Variants in PCSK9 observed in about 807,000 individuals in gnomAD.
PCSK9 encodes the protein proprotein convertase subtilisin/kexin type 9, also known as convertase subtilisin/kexin type 9 preproprotein.
A neutral mutation model predicts 62.1 loss-of-function variants in PCSK9; 57 were observed. The observed-to-expected ratio is 0.92, with a 90% CI of 0.74 to 1.14. The LOEUF is 1.14. PCSK9 is among the 50% of genes most tolerant of loss of function. The pLI is 0.00. For missense variants in PCSK9, 870 were observed against 959.8 expected (o/e 0.91, Z 1.24); for synonymous variants, 387 against 409.4 (o/e 0.95, Z 0.66).
intron 1 of PCSK9, among the ~76,000 whole-genome samples, chr1:55,042,000 G>A (rs1199131954): frequency 6.6e-6 from 1 of 152,050 alleles, no homozygotes; most frequent in Non-Finnish European, 1.5e-5. Context: ...AGGCTGGAGT[G>A]CAATGGTGCA....
intron 2 of PCSK9, among the ~76,000 whole-genome samples, chr1:55,044,739 C>T (rs986011491): frequency 1.3e-5 from 2 of 152,154 alleles, no homozygotes; most frequent in African/African-American, 4.8e-5. Context: ...GACAGTGAGG[C>T]CCCACGGTCT....
Position 55,063,740 on chromosome 1 carries a change from G to A in PCSK9, c.*156G>A. 1 of 898,588 alleles carries A rather than the reference G, an allele frequency of 1.1e-6. No homozygotes were observed. The highest frequency in any genetic ancestry group is 1.6e-6 in the Non-Finnish European group (1 of 608,394). The allele number at this position is 898,588 out of a possible 1,614,324, so 55.7% of individuals were successfully genotyped here. A position where few individuals can be genotyped will look rare whatever the true frequency, so the allele number is the denominator to read the frequency against. Reference sequence around the variant, plus strand: ...GGGGCTGCTGGCCTGGCCCTTGAGTGGGGCAGCCTCCTTGCCTGGAACTCA... The same window carrying A: ...GGGGCTGCTGGCCTGGCCCTTGAGTAGGGCAGCCTCCTTGCCTGGAACTCA... On this transcript the variant is annotated 3_prime_UTR_variant, in exon 12 of 12. Transcript: ENST00000302118.
In PCSK9 at chr1:55,058,659, C is replaced by G; in HGVS notation, c.1503+12C>G. On this transcript the variant is annotated intron_variant, in intron 9 of 11. Transcript: ENST00000302118. ...GCGAGCGCATGGAGGTGACTGTACC[C>G]CTCCTTCGTGTGTGTGTGTGTGTGT... 1 of 1,597,036 alleles carries G rather than the reference C, an allele frequency of 6.3e-7. No individual in the cohort carries two copies. The highest frequency in any genetic ancestry group is 8.5e-7 in the Non-Finnish European group (1 of 1,174,556).
chr1:55,042,406 A>G (rs1644603904), intron 1 of PCSK9, among the ~76,000 whole-genome samples: 2 of 152,310 alleles, frequency 1.3e-5, no homozygotes, highest in South Asian at 4.1e-4. Flanking sequence ...ATATTCATAT[A>G]TTTTGCTGCA....
intron 10 of PCSK9, among the ~76,000 whole-genome samples, chr1:55,060,772 G>A (rs935720602): frequency 6.6e-6 from 1 of 152,336 alleles, no homozygotes; most frequent in East Asian, 1.9e-4. Flanking sequence ...AGGACATAGA[G>A]AATGCTAGTA....
Position 55,056,046 on chromosome 1 carries a change from GTGC to G in PCSK9, c.860_862del (p.Leu287del). ...GGTCCAGCCTGTGGGGCCACTGGTG[GTGC>G]TGCTGCCCCTGGCGGGTGGGTACAG... On this transcript the variant is annotated inframe_deletion, in exon 6 of 12. Coordinates refer to ENST00000302118, the MANE Select transcript of PCSK9 (RefSeq NM_174936.4). 6.2e-7 allele frequency: 1 copy of G among 1,609,402 alleles called. No individual in the cohort carries two copies. The highest frequency in any genetic ancestry group is 8.5e-7 in the Non-Finnish European group (1 of 1,177,104).
At chr1:55,058,420 C>T (rs1644732719) in intron 8 of PCSK9, 79 bp from the exon 9 acceptor site, 1 of 1,598,534 alleles carries the variant, frequency 6.3e-7, no homozygotes, top group Middle Eastern at 2.3e-4. Flanking sequence ...GCCCTCCTCT[C>T]TCCTACCATG....
At chr1:55,042,192 C>T (rs988642004) in intron 1 of PCSK9, among the ~76,000 whole-genome samples, 7 of 151,574 alleles carry the variant, frequency 4.6e-5, no homozygotes, top group African/African-American at 1.7e-4. Context: ...TCAGTGGATC[C>T]GAGGAGGTGA....
chr1:55,044,484 C>T (rs1370610492), intron 2 of PCSK9, among the ~76,000 whole-genome samples: 1 of 152,062 alleles, frequency 6.6e-6, no homozygotes, highest in African/African-American at 2.4e-5. Context: ...GAGTGAAGTC[C>T]CTTCTTTAGG....
chr1:55,048,450 G>T (rs1270256736), intron 3 of PCSK9, among the ~76,000 whole-genome samples: 1 of 152,214 alleles, frequency 6.6e-6, no homozygotes, highest in Non-Finnish European at 1.5e-5. Flanking sequence ...AAGCAGACGT[G>T]GGGCCCTTTC....
At chr1:55,050,072 AG>A (rs1422142258) in intron 3 of PCSK9, among the ~76,000 whole-genome samples, 3 of 152,216 alleles carry the variant, frequency 2.0e-5, no homozygotes, top group Non-Finnish European at 2.9e-5. Flanking sequence ...ACGTCCAGGG[AG>A]GGAAGCAGCC....
intron 9 of PCSK9, 27 bp from the exon 10 acceptor site, chr1:55,059,459 A>G (rs1040994191): frequency 2.6e-6 from 4 of 1,553,648 alleles, no homozygotes; most frequent in Middle Eastern, 1.7e-4. Context: ...TCTAAAGCAG[A>G]TTCCCATTTC....
intron 3 of PCSK9, chr1:55,051,980 T>C: frequency 2.2e-6 from 1 of 455,530 alleles, no homozygotes; most frequent in South Asian, 2.2e-5. Flanking sequence ...ATTCATATTA[T>C]TGTTAGATAT....
Position 55,046,573 on chromosome 1 carries a change from T to C in PCSK9, c.450T>C (p.Phe150=), listed in dbSNP as rs1375422091. The change falls in exon 3 of 12, where the codon TTT becomes TTC. Residue 150 remains phenylalanine, a synonymous_variant. Coordinates refer to ENST00000302118, the MANE Select transcript of PCSK9 (RefSeq NM_174936.4). ...VDYIEEDSSV[F]AQSIPWNLER... ...ACATCGAGGAGGACTCCTCTGTCTT[T>C]GCCCAGAGCATCCCGTGGAACCTGG... 1 of 1,614,166 alleles carries C rather than the reference T, an allele frequency of 6.2e-7. No homozygotes were observed. Among genetic ancestry groups the C allele is most frequent in the Admixed American group, 1.7e-5 (1 of 60,028 alleles).
Position 55,061,466 on chromosome 1 carries a change from C to A in PCSK9, c.1773C>A (p.His591Gln), listed in dbSNP as rs529912877. Reference protein sequence around the residue: ...PRGQPNQCVGHREASIHASCC... With the variant: ...PRGQPNQCVGQREASIHASCC... ...GTCAGCCCAACCAGTGCGTGGGCCA[C>A]AGGGAGGCCAGCATCCACGCTTCCT... The change falls in exon 11 of 12, where the codon CAC becomes CAA. Residue 591 changes from histidine to glutamine, a missense_variant. His to Gln is a conservative substitution (Grantham distance 24, BLOSUM62 0). Transcript: ENST00000302118. 6.2e-7 allele frequency: 1 copy of A among 1,607,310 alleles called. No homozygotes were observed. Among genetic ancestry groups the A allele is most frequent in the African/African-American group, 1.3e-5 (1 of 75,036 alleles).
At position 55,046,278 on chromosome 1, in the gene PCSK9, C is replaced by T. The variant is rs548052201; in HGVS notation, c.400-245C>T. 2.6e-5 allele frequency among the ~76,000 whole-genome samples: 4 copies of T among 152,316 alleles called. No homozygotes were observed. In the East Asian group the frequency reaches 7.7e-4, roughly 29 times the overall value. ...CAAGATGTCAAGTTCAGAATCCTTC[C>T]TAAAAGGAATCCTCTATGCCAGACC... On this transcript the variant is annotated intron_variant, in intron 2 of 11. Coordinates refer to ENST00000302118, the MANE Select transcript of PCSK9 (RefSeq NM_174936.4).
At chr1:55,062,532 C>A (rs974924143) in intron 11 of PCSK9, among the ~76,000 whole-genome samples, 1 of 152,046 alleles carries the variant, frequency 6.6e-6, no homozygotes, top group Non-Finnish European at 1.5e-5. Context: ...TGAAAAGATG[C>A]GATGGAGAAA....
rs1320993715 is a variant in PCSK9 at position 55,059,665 on chromosome 1, T to C, written c.1681+2T>C. On this transcript the variant is annotated splice_donor_variant, in intron 10 of 11. Transcript: ENST00000302118. LOFTEE classifies it high-confidence loss of function. ...ACCAACAGGGCCACGTCCTCACAGG[T>C]AGGAGGCTGGGCTTGCCCTGGGGTG... 12 of 1,549,826 alleles carry C rather than the reference T, an allele frequency of 7.7e-6. No individual in the cohort carries two copies. The highest frequency in any genetic ancestry group is 1.7e-6 in the Non-Finnish European group (2 of 1,146,796).
intron 7 of PCSK9, among the ~76,000 whole-genome samples, 184 bp downstream of exon 7, chr1:55,057,698 T>C (rs1644725839): frequency 6.6e-6 from 1 of 152,102 alleles, no homozygotes; most frequent in African/African-American, 2.4e-5. Context: ...AAACACGAGG[T>C]CAGGGCTGTA....
Sources: gnomAD v4.1 joint callset for allele counts (sites outside exome capture counted in the v4.1 genomes callset) on GRCh38, gnomAD v4.1.1 for gene constraint, MANE v1.5 for transcripts, NCBI Gene and HGNC (gene_info 2026-07-23, HGNC 2026-07-21) for gene names.